Variants in PTPRT observed in about 807,000 individuals in gnomAD.
PTPRT encodes the protein receptor-type tyrosine-protein phosphatase T.
In PTPRT, 56 loss-of-function variants were observed where a neutral mutation model predicts 176.8. That is an observed-to-expected ratio of 0.32 (90% CI 0.26 to 0.40). The LOEUF is 0.40. Ranked by LOEUF, PTPRT falls within the 10% of genes least tolerant of loss-of-function variation. The probability of loss-of-function intolerance (pLI) is 1.00; values close to 1 mark genes in which losing one functional copy is unlikely to be tolerated. For synonymous variants in PTPRT, 783 were observed against 739.0 expected, an observed-to-expected ratio of 1.06 and a Z score of -0.96; for missense variants, 1,540 against 1,908.2, an observed-to-expected ratio of 0.81 and a Z score of 3.60.
intron 6 of PTPRT, among the ~76,000 whole-genome samples, chr20:42,693,163 C>T (rs918715481): frequency 6.6e-6 from 1 of 152,158 alleles, no homozygotes; most frequent in African/African-American, 2.4e-5. Context: ...TGTGTATATA[C>T]ATGTATTCTT....
At chr20:42,654,620 A>G (rs2075091528) in intron 7 of PTPRT, among the ~76,000 whole-genome samples, 1 of 152,228 alleles carries the variant, frequency 6.6e-6, no homozygotes, top group African/African-American at 2.4e-5. Context: ...TTGCTGGATA[A>G]CTATTTTTCC....
intron 1 of PTPRT, among the ~76,000 whole-genome samples, chr20:42,959,936 C>T (rs945052491): frequency 3.9e-5 from 6 of 152,140 alleles, no homozygotes; most frequent in African/African-American, 2.4e-5. Flanking sequence ...CCAGGGACCT[C>T]GCAAGCTCAT....
At chr20:42,662,719 T>C (rs2075245363) in intron 7 of PTPRT, among the ~76,000 whole-genome samples, 1 of 152,178 alleles carries the variant, frequency 6.6e-6, no homozygotes, top group Non-Finnish European at 1.5e-5. Flanking sequence ...AAACCCCCTA[T>C]TTAACTGTCC....
chr20:42,433,326 A>G (rs1274081498), intron 9 of PTPRT, among the ~76,000 whole-genome samples: 2 of 152,220 alleles, frequency 1.3e-5, no homozygotes, highest in Non-Finnish European at 2.9e-5. Flanking sequence ...CCTAATTACC[A>G]TAAAGACAGA....
At chr20:42,528,976 T>C (rs768612641) in intron 7 of PTPRT, among the ~76,000 whole-genome samples, 2 of 152,246 alleles carry the variant, frequency 1.3e-5, no homozygotes, top group African/African-American at 4.8e-5. Context: ...TCTATGACCG[T>C]GTCAACTATC....
At chr20:42,956,873 T>A (rs1157217930) in intron 1 of PTPRT, among the ~76,000 whole-genome samples, 1 of 152,174 alleles carries the variant, frequency 6.6e-6, no homozygotes, top group Non-Finnish European at 1.5e-5. Context: ...GAGTCCAAGA[T>A]ACCGTTTCTT....
At chr20:42,408,332 T>C (rs1329098848) in intron 9 of PTPRT, among the ~76,000 whole-genome samples, 3 of 152,154 alleles carry the variant, frequency 2.0e-5, no homozygotes, top group Non-Finnish European at 4.4e-5. Flanking sequence ...TTCAATTTTA[T>C]ATGAGTATAT....
intron 7 of PTPRT, among the ~76,000 whole-genome samples, chr20:42,646,504 G>A (rs1177903067): frequency 2.0e-5 from 3 of 152,086 alleles, no homozygotes; most frequent in Non-Finnish European, 2.9e-5. Context: ...CCGAGCCCTA[G>A]AGCTGCACTT....
chr20:42,495,067 C>A (rs2071629495), intron 7 of PTPRT, among the ~76,000 whole-genome samples: 1 of 152,166 alleles, frequency 6.6e-6, no homozygotes, highest in Non-Finnish European at 1.5e-5. Context: ...GTCTTCCTCA[C>A]TGAAATTTAA....
intron 7 of PTPRT, among the ~76,000 whole-genome samples, chr20:42,492,607 T>C (rs888945900): frequency 9.8e-5 from 15 of 152,334 alleles, no homozygotes; most frequent in African/African-American, 3.6e-4. Flanking sequence ...TTCATTATTA[T>C]TCACTTCAGG....
chr20:42,321,995 C>A (rs959078064), intron 11 of PTPRT, among the ~76,000 whole-genome samples: 1 of 152,106 alleles, frequency 6.6e-6, no homozygotes, highest in African/African-American at 2.4e-5. Flanking sequence ...ATGCCGTGAA[C>A]CCGGAAGGCA....
chr20:42,267,411 G>T (rs1187672815), intron 13 of PTPRT, among the ~76,000 whole-genome samples: 1 of 152,178 alleles, frequency 6.6e-6, no homozygotes, highest in South Asian at 2.1e-4. Flanking sequence ...AGAAGGATCC[G>T]TATTGAGTTA....
At chr20:42,318,721 C>T (rs1003761171) in intron 11 of PTPRT, among the ~76,000 whole-genome samples, 6 of 152,142 alleles carry the variant, frequency 3.9e-5, no homozygotes, top group Admixed American at 1.3e-4. Context: ...CCCTAATCAC[C>T]GCTTGAATTG....
intron 11 of PTPRT, among the ~76,000 whole-genome samples, chr20:42,321,474 A>T (rs1216441220): frequency 6.6e-6 from 1 of 152,196 alleles, no homozygotes; most frequent in Admixed American, 6.5e-5. Context: ...ATACCTGTAT[A>T]GCCAACAGGG....
At chr20:42,578,886 G>C (rs2073314109) in intron 7 of PTPRT, among the ~76,000 whole-genome samples, 1 of 138,920 alleles carries the variant, frequency 7.2e-6, no homozygotes, top group Admixed American at 7.5e-5. Flanking sequence ...TTTGAGTCTT[G>C]CAAGTTTTTT....
intron 7 of PTPRT, among the ~76,000 whole-genome samples, chr20:42,639,661 C>T (rs746161358): frequency 6.6e-6 from 1 of 152,122 alleles, no homozygotes; most frequent in Non-Finnish European, 1.5e-5. Context: ...TCCAAGCTTT[C>T]CCACTTTTTC....
chr20:42,943,588 G>A (rs1054575778), intron 1 of PTPRT, among the ~76,000 whole-genome samples: 2 of 152,152 alleles, frequency 1.3e-5, no homozygotes, highest in Non-Finnish European at 2.9e-5. Context: ...CAGGGATGAG[G>A]AAGCACAGCC....
intron 9 of PTPRT, among the ~76,000 whole-genome samples, chr20:42,425,797 T>A (rs1001934933): frequency 6.6e-6 from 1 of 152,136 alleles, no homozygotes; most frequent in Non-Finnish European, 1.5e-5. Context: ...CTGAGATGAT[T>A]GAGGCAAGCA....
chr20:42,856,390 C>T (rs2078563571), intron 2 of PTPRT, among the ~76,000 whole-genome samples: 1 of 152,064 alleles, frequency 6.6e-6, no homozygotes, highest in Admixed American at 6.5e-5. Context: ...GATTGTGTGT[C>T]CCCCACAGTA....
Sources: gnomAD v4.1 joint callset for allele counts (sites outside exome capture counted in the v4.1 genomes callset) on GRCh38, gnomAD v4.1.1 for gene constraint, MANE v1.5 for transcripts, NCBI Gene and HGNC (gene_info 2026-07-23, HGNC 2026-07-21) for gene names.